Variants in GABRB3 observed in about 807,000 individuals in gnomAD.
The protein encoded by GABRB3 is gamma-aminobutyric acid type A receptor subunit beta3, also known as gamma-aminobutyric acid receptor subunit beta-3.
Under a neutral mutation model 52.1 loss-of-function variants are expected in GABRB3, and 14 were observed. That is an observed-to-expected ratio of 0.27 (90% confidence interval 0.18 to 0.42). GABRB3 has a LOEUF of 0.42. GABRB3 is among the 10% of genes least tolerant of loss of function. GABRB3 has a pLI of 1.00. For missense variants in GABRB3, 307 were observed against 609.1 expected (o/e 0.50, Z 5.22); for synonymous variants, 260 against 232.3 (o/e 1.12, Z -1.08).
At chr15:26,597,068 C>T (rs1425165416) in intron 4 of GABRB3, among the ~76,000 whole-genome samples, 1 of 152,098 alleles carries the variant, frequency 6.6e-6, no homozygotes, top group South Asian at 2.1e-4. Context: ...ACCCATAATC[C>T]ATTAATCTAT....
chr15:26,561,260 C>T lies in GABRB3; in HGVS notation c.836-84G>A. On this transcript the variant is annotated intron_variant, in intron 7 of 8. Coordinates refer to ENST00000311550, the MANE Select transcript of GABRB3 (RefSeq NM_000814.6). Reference sequence around the variant, plus strand: ...CACTTTCCTTTTATGTTTTCTCAAACAGCTTTAAGTAGTCAGAGATAAGGG... The same window carrying T: ...CACTTTCCTTTTATGTTTTCTCAAATAGCTTTAAGTAGTCAGAGATAAGGG... The T allele has an allele frequency of 6.3e-6, 10 of 1,585,750 alleles. No individual in the cohort carries two copies. In the South Asian group the frequency reaches 8.9e-5, roughly 14 times the overall value.
chr15:26,585,596 T>G (rs564166900), intron 4 of GABRB3, among the ~76,000 whole-genome samples: 1 of 152,324 alleles, frequency 6.6e-6, no homozygotes, highest in East Asian at 1.9e-4. Flanking sequence ...GCCAACATAT[T>G]TAGCACACAG....
chr15:26,555,786 T>C (rs1889729807), intron 8 of GABRB3, among the ~76,000 whole-genome samples: 1 of 152,230 alleles, frequency 6.6e-6, no homozygotes, highest in African/African-American at 2.4e-5. Flanking sequence ...CCTGAATATA[T>C]ATTGAATTAA....
At chr15:26,676,431 G>T (rs908986724) in intron 3 of GABRB3, among the ~76,000 whole-genome samples, 1 of 152,048 alleles carries the variant, frequency 6.6e-6, no homozygotes, top group South Asian at 2.1e-4. Flanking sequence ...AACAGAACCC[G>T]GTAGGACTAA....
intron 6 of GABRB3, among the ~76,000 whole-genome samples, chr15:26,575,519 C>A (rs987898792): frequency 2.6e-5 from 4 of 152,104 alleles, no homozygotes; most frequent in Admixed American, 6.5e-5. Context: ...CTTTTCTATA[C>A]CTCTAGTAGA....
intron 3 of GABRB3, among the ~76,000 whole-genome samples, chr15:26,769,845 G>A (rs926815302): frequency 3.9e-5 from 6 of 152,054 alleles, no homozygotes; most frequent in Non-Finnish European, 7.4e-5. Context: ...GTGAACAACC[G>A]TTTGTCATAT....
chr15:26,629,098 C>CCT (rs1412638925), intron 3 of GABRB3: 20 of 1,535,668 alleles, frequency 1.3e-5, no homozygotes, highest in South Asian at 2.4e-5. Flanking sequence ...ACTGTCGCTT[C>CCT]CTCTCCATCT....
Position 26,704,058 on chromosome 15 carries a change from G to C in GABRB3, c.240+68344C>G, listed in dbSNP as rs1889020034. 2.0e-5 allele frequency among the ~76,000 whole-genome samples: 3 copies of C among 152,318 alleles called. No homozygotes were observed. In the South Asian group the frequency reaches 6.2e-4, roughly 32 times the overall value. On this transcript the variant is annotated intron_variant, in intron 3 of 8. Transcript: ENST00000311550. ...CTGTGATGGTTCCACCCCTGTGGCA[G>C]TTCTCCGCATGGGCCTTCTCTGAGA...
chr15:26,582,240 G>A (rs1259317692), intron 5 of GABRB3, among the ~76,000 whole-genome samples: 1 of 152,192 alleles, frequency 6.6e-6, no homozygotes, highest in East Asian at 1.9e-4. Flanking sequence ...CAGGAGTCAT[G>A]CACTGTGTGA....
intron 4 of GABRB3, among the ~76,000 whole-genome samples, chr15:26,588,528 C>T (rs1165127215): frequency 6.6e-6 from 1 of 152,102 alleles, no homozygotes; most frequent in Non-Finnish European, 1.5e-5. Flanking sequence ...GCAGTTTGAA[C>T]CCTATGCTCT....
At chr15:26,557,484 T>A (rs1254262404) in intron 8 of GABRB3, 1 of 152,240 alleles carries the variant, frequency 6.6e-6, no homozygotes, top group Non-Finnish European at 1.5e-5. Context: ...GTACCACTTC[T>A]GTTTCACGTA....
intron 4 of GABRB3, among the ~76,000 whole-genome samples, chr15:26,595,169 G>GT (rs2140767573): frequency 6.6e-6 from 1 of 152,168 alleles, no homozygotes; most frequent in Non-Finnish European, 1.5e-5. Flanking sequence ...GCATCTTTAG[G>GT]TTTGTCTTCA....
chr15:26,628,814 G>A (rs1368298696), intron 3 of GABRB3, among the ~76,000 whole-genome samples: 2 of 152,330 alleles, frequency 1.3e-5, no homozygotes, highest in African/African-American at 2.4e-5. Flanking sequence ...GTAGCTGAGG[G>A]AGCCCTAGAG....
chr15:26,554,127 G>GTATATATATATATAAAGTATATA lies in GABRB3; in HGVS notation c.1081-6016_1081-5994dup, dbSNP rs1567097126. Among the ~76,000 whole-genome samples, 36 of 22,580 alleles carry GTATATATATATATAAAGTATATA rather than the reference G, an allele frequency of 1.6e-3. 2 individuals carry two copies. Among genetic ancestry groups the GTATATATATATATAAAGTATATA allele is most frequent in the Non-Finnish European group, 2.1e-3 (24 of 11,400 alleles). 14.8% of individuals were successfully genotyped at this position (22,580 alleles called of 152,430 possible). ...GTGTGTATATATATAAAGTGTGTGTGTATATATATATATAAAGTATATATA... is the reference window on the plus strand; with the variant it reads ...GTGTGTATATATATAAAGTGTGTGTGTATATATATATATAAAGTATATATATATATATATATAAAGTATATATA... On this transcript the variant is annotated intron_variant, in intron 8 of 8. Transcript: ENST00000311550.
chr15:26,678,612 A>G (rs1448727018), intron 3 of GABRB3, among the ~76,000 whole-genome samples: 1 of 151,964 alleles, frequency 6.6e-6, no homozygotes, highest in Non-Finnish European at 1.5e-5. Context: ...TACAGAGAGG[A>G]AGAAAAACCG....
intron 3 of GABRB3, among the ~76,000 whole-genome samples, chr15:26,759,277 T>C (rs1290901723): frequency 2.6e-5 from 4 of 152,156 alleles, no homozygotes; most frequent in Non-Finnish European, 5.9e-5. Flanking sequence ...TTTTTTGAGA[T>C]GGAGTCTCGC....
chr15:26,742,803 T>C (rs1022532755), intron 3 of GABRB3, among the ~76,000 whole-genome samples: 4 of 152,198 alleles, frequency 2.6e-5, no homozygotes, highest in Non-Finnish European at 4.4e-5. Flanking sequence ...ATGAACTTTA[T>C]CAATTTATCA....
intron 3 of GABRB3, chr15:26,629,242 G>A (rs1892837111): frequency 2.2e-6 from 3 of 1,365,212 alleles, no homozygotes; most frequent in East Asian, 2.6e-5. Context: ...GGGCAGCGCG[G>A]AAGCTTGGCC....
At chr15:26,667,492 C>A (rs1339137396) in intron 3 of GABRB3, among the ~76,000 whole-genome samples, 1 of 152,156 alleles carries the variant, frequency 6.6e-6, no homozygotes, top group African/African-American at 2.4e-5. Flanking sequence ...ACTCCAAAGG[C>A]GGGGTGCTAG....
Sources: gnomAD v4.1 joint callset for allele counts (sites outside exome capture counted in the v4.1 genomes callset) on GRCh38, gnomAD v4.1.1 for gene constraint, MANE v1.5 for transcripts, NCBI Gene and HGNC (gene_info 2026-07-23, HGNC 2026-07-21) for gene names.